The following ZNF544 variants were observed in gnomAD, a reference collection of about 807,000 sequenced individuals.
The protein encoded by ZNF544 is zinc finger protein 544.
ZNF544 carries 10 observed loss-of-function variants against 13.5 expected under a neutral mutation model. That is an observed-to-expected ratio of 0.74 (90% confidence interval 0.46 to 1.25). The LOEUF is 1.25. Among genes scored for constraint, ZNF544 ranks in the 50% most tolerant of loss-of-function variants. The pLI is 0.00. For missense variants in ZNF544, 896 were observed against 845.6 expected (o/e 1.06, Z -0.74); for synonymous variants, 323 against 300.5 (o/e 1.07, Z -0.77).
rs1163226340 is a variant in ZNF544, at chr19:58,261,184, A to G, written c.578A>G (p.Glu193Gly). The change falls in exon 7 of 7, where the codon GAG becomes GGG. Residue 193 changes from glutamate (E) to glycine (G), a missense_variant. Coordinates refer to ENST00000687789, the MANE Select transcript of ZNF544 (RefSeq NM_014480.4). The part of the protein sequence containing the change: ...GFPKPNSQVK[E>G]LKQNSAFINH... Reference sequence around the variant, plus strand: ...CCTAAGCCCAACTCACAAGTTAAAGAGTTGAAACAAAATTCAGCTTTCATT... The same window carrying G: ...CCTAAGCCCAACTCACAAGTTAAAGGGTTGAAACAAAATTCAGCTTTCATT... 7.4e-6 allele frequency: 12 copies of G among 1,614,082 alleles called. No homozygotes were observed. The highest frequency in any genetic ancestry group is 9.3e-6 in the Non-Finnish European group (11 of 1,180,056).
chr19:58,246,478 G>T lies in ZNF544; in HGVS notation c.160+51G>T, dbSNP rs376167427. The T allele has an allele frequency of 1.2e-5, 19 of 1,606,178 alleles. No individual in the cohort carries two copies. In the African/African-American group the frequency reaches 2.4e-4, roughly 20 times the overall value. On this transcript the variant is annotated intron_variant, in intron 5 of 6. Coordinates refer to ENST00000687789, the MANE Select transcript of ZNF544 (RefSeq NM_014480.4). ...GGTTCTACCCCTAGGACTCAAAGCT[G>T]TACCAAGTTCTGAAGGGTGTTCTGG...
chr19:58,234,319 T>C (rs949704880), intron 3 of ZNF544, among the ~76,000 whole-genome samples: 11 of 152,238 alleles, frequency 7.2e-5, no homozygotes, highest in Non-Finnish European at 1.5e-4. Context: ...GGTGCCTCCC[T>C]TCCCTTAACC....
chr19:58,244,568 C>G (rs2044653748), intron 4 of ZNF544, among the ~76,000 whole-genome samples: 1 of 151,912 alleles, frequency 6.6e-6, no homozygotes, highest in South Asian at 2.1e-4. Context: ...CCTTTAGTGT[C>G]TTTTCCTCTT....
chr19:58,276,212 G>A, intron 5 of ZNF544: 1 of 461,822 alleles, frequency 2.2e-6, no homozygotes, highest in East Asian at 3.6e-5. Flanking sequence ...GAACACACAG[G>A]TTTCCCCTAA....
chr19:58,260,144 GT>G (rs2048573795), intron 6 of ZNF544, among the ~76,000 whole-genome samples: 1 of 152,150 alleles, frequency 6.6e-6, no homozygotes, highest in Non-Finnish European at 1.5e-5. Flanking sequence ...CATCTGGACA[GT>G]TCCTTTTTCC....
rs1218440166 is a variant in ZNF544, at chr19:58,260,911, A to T, written c.305A>T (p.Glu102Val). The change falls in exon 7 of 7, where the codon GAA (glutamate) becomes GTA (valine). Residue 102 changes from glutamate to valine, a missense_variant. Coordinates refer to ENST00000687789, the MANE Select transcript of ZNF544 (RefSeq NM_014480.4). ...TCTGAAAAAGATCGAGCTAGGGAAG[A>T]ACTATCCCACCACGTGGAAGTGTAC... ...LNSEKDRAREELSHHVEVYRS... is the reference protein window; with the variant it reads ...LNSEKDRAREVLSHHVEVYRS... 3 of 1,613,762 alleles carry T rather than the reference A, an allele frequency of 1.9e-6. No individual in the cohort carries two copies. The Admixed American group carries it at 5.0e-5, about 27-fold the overall frequency.
At chr19:58,229,378 T>A (rs260440) in intron 1 of ZNF544, 90 bp from the exon 2 acceptor site, 1 of 150,572 alleles carries the variant, frequency 6.6e-6, no homozygotes, top group South Asian at 2.1e-4. Context: ...GGATTCAGGC[T>A]GGCGTCTGGA....
intron 6 of ZNF544, 103 bp from the exon 7 acceptor site, chr19:58,260,748 C>T: frequency 8.9e-7 from 1 of 1,125,776 alleles, no homozygotes; most frequent in Admixed American, 2.9e-5. Flanking sequence ...AGTTTGGAAA[C>T]AAACCAGAGA....
At chr19:58,234,695 G>A (rs1382910615) in intron 3 of ZNF544, among the ~76,000 whole-genome samples, 3 of 152,234 alleles carry the variant, frequency 2.0e-5, no homozygotes, top group South Asian at 2.1e-4. Context: ...AGGGAGGCAT[G>A]TATGAAAGCA....
chr19:58,275,824 A>G lies in ZNF544; in HGVS notation c.245-499A>G, dbSNP rs975678638. Reference sequence around the variant, plus strand: ...AAAAGGAAAGAGGAAATAATAGGACATCAAAATCACAGATTCCACACCATT... The same window carrying G: ...AAAAGGAAAGAGGAAATAATAGGACGTCAAAATCACAGATTCCACACCATT... On this transcript the variant is annotated intron_variant, in intron 5 of 6. Transcript: ENST00000595981. Among the ~76,000 whole-genome samples, 14 of 106,822 alleles carry G rather than the reference A, an allele frequency of 1.3e-4. 1 individual carries two copies. The highest frequency in any genetic ancestry group is 4.4e-4 in the African/African-American group (12 of 27,082). 70.1% of individuals were successfully genotyped at this position (106,822 alleles called of 152,430 possible).
At chr19:58,266,269 G>A (rs566678451), downstream of ZNF544, among the ~76,000 whole-genome samples, 58 of 141,944 alleles carry the variant, frequency 4.1e-4, 1 homozygote, top group South Asian at 2.3e-3. Context: ...CTGTGATCCC[G>A]ACACTTTGGG....
intron 4 of ZNF544, among the ~76,000 whole-genome samples, chr19:58,244,678 C>T (rs140730382): frequency 2.7e-5 from 4 of 149,784 alleles, no homozygotes; most frequent in African/African-American, 7.4e-5. Context: ...TGGGCTCAAG[C>T]GATCCTCCCA....
At chr19:58,265,971 G>A (rs11673550), downstream of ZNF544, among the ~76,000 whole-genome samples, 80,473 of 151,456 alleles carry the variant, frequency 0.53, 21,725 homozygotes, top group Middle Eastern at 0.64. Context: ...TTGGAAGGCC[G>A]AGGCAGGCAG....
chr19:58,254,075 T>A (rs2046777054), intron 6 of ZNF544, among the ~76,000 whole-genome samples: 1 of 152,016 alleles, frequency 6.6e-6, no homozygotes, highest in Non-Finnish European at 1.5e-5. Context: ...ATACAAAAAA[T>A]TAGCCAGGCC....
Position 58,277,294 on chromosome 19 carries a change from G to C in ZNF544, c.*43G>C, listed in dbSNP as rs1285788573. Reference sequence around the variant, plus strand: ...AGAAGGATCTGAGAGAGTGTGGCCAGCTTGAGCCCCTCGGGAGTCAGCTCC... The same window carrying C: ...AGAAGGATCTGAGAGAGTGTGGCCACCTTGAGCCCCTCGGGAGTCAGCTCC... On this transcript the variant is annotated 3_prime_UTR_variant, in exon 7 of 7. Transcript: ENST00000595981. 6.1e-6 allele frequency: 7 copies of C among 1,146,544 alleles called. No individual in the cohort carries two copies. In the African/African-American group the frequency reaches 1.3e-4, roughly 21 times the overall value. 71.0% of individuals were successfully genotyped at this position (1,146,544 alleles called of 1,614,324 possible).
At chr19:58,270,715 C>T (rs1004254689) in intron 5 of ZNF544, among the ~76,000 whole-genome samples, 4 of 152,160 alleles carry the variant, frequency 2.6e-5, no homozygotes, top group African/African-American at 9.7e-5. Flanking sequence ...GTCAGCCCCA[C>T]CTGCAGATGT....
At chr19:58,237,626 T>A (rs1208455724) in intron 3 of ZNF544, among the ~76,000 whole-genome samples, 1 of 152,210 alleles carries the variant, frequency 6.6e-6, no homozygotes, top group African/African-American at 2.4e-5. Context: ...ACCTTCTTTT[T>A]GCTTTTTTTC....
In ZNF544 at chr19:58,277,322, C is replaced by T. The variant is rs2051289768; in HGVS notation, c.*71C>T. 6 of 1,169,462 alleles carry T rather than the reference C, an allele frequency of 5.1e-6. No homozygotes were observed. In the East Asian group the frequency reaches 9.6e-5, roughly 19 times the overall value. The allele number at this position is 1,169,462 out of a possible 1,614,324, so 72.4% of individuals were successfully genotyped here. A position where few individuals can be genotyped will look rare whatever the true frequency, so the allele number is the denominator to read the frequency against. ...TGAGCCCCTCGGGAGTCAGCTCCTC[C>T]GTCCCCACTGGTAACGTCTTCACCC... On this transcript the variant is annotated 3_prime_UTR_variant, in exon 7 of 7. Transcript: ENST00000595981.
chr19:58,237,151 G>C (rs1010997042), intron 3 of ZNF544, among the ~76,000 whole-genome samples: 1 of 146,350 alleles, frequency 6.8e-6, no homozygotes, highest in East Asian at 2.0e-4. Context: ...TGCAGCGTCT[G>C]TTCCCAGGCT....
Sources: allele counts gnomAD v4.1 joint callset (sites outside exome capture counted in the v4.1 genomes callset), GRCh38; gene constraint gnomAD v4.1.1; transcripts MANE v1.5; gene names NCBI Gene and HGNC (gene_info 2026-07-23, HGNC 2026-07-21).